Variants in EIF4B observed in about 807,000 individuals in gnomAD.
The protein encoded by EIF4B is eukaryotic translation initiation factor 4B.
EIF4B carries 8 observed loss-of-function variants against 79.3 expected under a neutral mutation model. The ratio of observed to expected loss-of-function variants is 0.10; its 90% CI spans 0.06 to 0.18. The LOEUF (loss-of-function observed/expected upper bound fraction) is 0.18. Among genes scored for constraint, EIF4B ranks in the 10% least tolerant of loss-of-function variants. The pLI, the probability that EIF4B is intolerant of heterozygous loss-of-function variation, is 1.00. For missense variants in EIF4B, 515 were observed against 792.4 expected, an observed-to-expected ratio of 0.65 and a Z score of 4.20; for synonymous variants, 238 against 274.7, an observed-to-expected ratio of 0.87 and a Z score of 1.32.
At chr12:53,017,019 G>A (rs926511161) in intron 2 of EIF4B, among the ~76,000 whole-genome samples, 3 of 152,116 alleles carry the variant, frequency 2.0e-5, no homozygotes, top group East Asian at 1.9e-4. Context: ...TTGGGAGGCC[G>A]AGGTGGGCAG....
rs145525290 is a variant in EIF4B, at chr12:53,008,118, C to T, written c.13+1622C>T. ...AACTAACCATTGCTTAAAGTACTTA[C>T]TTGGTCTGGATTTGCCACCTTAACA... On this transcript the variant is annotated intron_variant, in intron 1 of 14. Transcript: ENST00000262056. Among the ~76,000 whole-genome samples the T allele has an allele frequency of 6.6e-5, 10 of 152,328 alleles. No homozygotes were observed. In the East Asian group the frequency reaches 1.9e-3, roughly 29 times the overall value.
At chr12:53,025,327 C>G (rs560039603) in intron 6 of EIF4B, 1 of 446,016 alleles carries the variant, frequency 2.2e-6, no homozygotes, top group Admixed American at 2.5e-5. Flanking sequence ...GAATTTAGAG[C>G]AAGCAGAATG....
intron 5 of EIF4B, 167 bp downstream of exon 5, chr12:53,022,027 A>G (rs780912189): frequency 5.3e-6 from 4 of 751,988 alleles, no homozygotes; most frequent in Non-Finnish European, 8.8e-6. Flanking sequence ...GTTTGAAGAC[A>G]TTGTAGTTGT....
intron 6 of EIF4B, among the ~76,000 whole-genome samples, chr12:53,027,137 A>ATTATTATTATTATTATT (rs1943349413): frequency 3.9e-5 from 1 of 25,722 alleles, no homozygotes; most frequent in African/African-American, 8.2e-5. Context: ...AAAAAAAAAA[A>ATTATTATTATTATTATT]TTTTTTTTTT....
At chr12:53,019,617 C>T (rs1382899327) in intron 3 of EIF4B, among the ~76,000 whole-genome samples, 2 of 149,638 alleles carry the variant, frequency 1.3e-5, no homozygotes, top group African/African-American at 2.4e-5. Context: ...CCACCTGCTT[C>T]GGCCTCCCAA....
chr12:53,025,177 T>G (rs981866258), intron 6 of EIF4B: 1 of 455,210 alleles, frequency 2.2e-6, no homozygotes. Flanking sequence ...GGGAGAACTA[T>G]GTGAGGTGAT....
At chr12:53,009,494 C>CA (rs10561811) in intron 1 of EIF4B, among the ~76,000 whole-genome samples, 119,567 of 148,010 alleles carry the variant, frequency 0.81, 49,851 homozygotes, top group Non-Finnish European at 0.92. Flanking sequence ...GACTCCGTCT[C>CA]AAAAAAAAAA....
At chr12:53,011,708 A>G (rs1943066045) in intron 1 of EIF4B, among the ~76,000 whole-genome samples, 1 of 152,222 alleles carries the variant, frequency 6.6e-6, no homozygotes, top group African/African-American at 2.4e-5. Flanking sequence ...GAAAACCATG[A>G]ATGTGTTGTC....
rs773941285 is a variant in EIF4B, at chr12:53,019,939, C to T, written c.390C>T (p.Pro130=). The change falls in exon 4 of 15, where the codon CCC becomes CCT. Residue 130 remains proline (P), a synonymous_variant. Transcript: ENST00000262056. ...NISAVRLPRE[P]SNPERLKGFG... ...GTGCAGTGCGTTTACCACGTGAACC[C>T]AGCAATCCAGAGAGGTTGAAAGGTT... is the stretch of plus-strand genomic sequence containing the variant. 7.4e-6 allele frequency: 12 copies of T among 1,612,454 alleles called. No homozygotes were observed. The highest frequency in any genetic ancestry group is 9.3e-6 in the Non-Finnish European group (11 of 1,179,478).
intron 9 of EIF4B, among the ~76,000 whole-genome samples, chr12:53,034,387 A>G (rs557121173): frequency 6.6e-6 from 1 of 152,356 alleles, no homozygotes; most frequent in Admixed American, 6.5e-5. Flanking sequence ...ATTGTAGATT[A>G]TGTAGGATAC....
At position 53,019,786 on chromosome 12, in the gene EIF4B, C is replaced by T. The variant is rs941944856; in HGVS notation, c.361-124C>T. The T allele has an allele frequency of 1.5e-5, 12 of 796,766 alleles. 1 individual carries two copies. The highest frequency in any genetic ancestry group is 1.4e-4 in the African/African-American group (8 of 55,492). 49.4% of individuals were successfully genotyped at this position (796,766 alleles called of 1,614,324 possible). A position where few individuals can be genotyped will look rare whatever the true frequency, so the allele number is the denominator to read the frequency against. Reference sequence around the variant, plus strand: ...CTCTGCATCAGTTTTCCTCCTGAGACAACCATGTTCTTGTGTATTCAGAAA... The same window carrying T: ...CTCTGCATCAGTTTTCCTCCTGAGATAACCATGTTCTTGTGTATTCAGAAA... On this transcript the variant is annotated intron_variant, in intron 3 of 14. Transcript: ENST00000262056.
intron 10 of EIF4B, 87 bp from the exon 11 acceptor site, chr12:53,037,322 T>C (rs1943556187): frequency 1.4e-6 from 2 of 1,452,406 alleles, no homozygotes; most frequent in African/African-American, 1.4e-5. Context: ...AACTTGGATG[T>C]GGACCATTTT....
At chr12:53,032,610 C>G (rs1338955514) in intron 8 of EIF4B, among the ~76,000 whole-genome samples, 2 of 151,032 alleles carry the variant, frequency 1.3e-5, no homozygotes, top group Non-Finnish European at 2.9e-5. Context: ...TTAGTCTTTC[C>G]TGTGGTCTTG....
intron 10 of EIF4B, 25 bp from the exon 11 acceptor site, chr12:53,037,384 T>C: frequency 6.2e-7 from 1 of 1,603,318 alleles, no homozygotes; most frequent in Non-Finnish European, 8.5e-7. Flanking sequence ...CCTGATAATT[T>C]GATATTTTCA....
chr12:53,035,399 C>T (rs1025696701), intron 10 of EIF4B, among the ~76,000 whole-genome samples: 4 of 150,666 alleles, frequency 2.7e-5, no homozygotes, highest in South Asian at 2.1e-4. Flanking sequence ...GACCGAGTCT[C>T]GCTCTGTCGC....
intron 6 of EIF4B, chr12:53,025,284 T>C (rs1289467446): frequency 1.8e-5 from 8 of 453,906 alleles, no homozygotes; most frequent in South Asian, 1.2e-4. Flanking sequence ...CTGTTTTGAG[T>C]CCAGGGGCAT....
chr12:53,027,235 A>G (rs1943352627), intron 6 of EIF4B, among the ~76,000 whole-genome samples: 2 of 145,252 alleles, frequency 1.4e-5, no homozygotes, highest in South Asian at 4.4e-4. Context: ...CCGGGTTCAC[A>G]CCATTCTCTT....
chr12:53,006,630 G>C, intron 1 of EIF4B, 134 bp downstream of exon 1: 1 of 1,507,470 alleles, frequency 6.6e-7, no homozygotes, highest in Non-Finnish European at 9.0e-7. Context: ...CAGGCTGGCG[G>C]CGTGGCCCTG....
intron 8 of EIF4B, among the ~76,000 whole-genome samples, chr12:53,032,446 C>T (rs1943462959): frequency 6.6e-6 from 1 of 152,036 alleles, no homozygotes; most frequent in African/African-American, 2.4e-5. Flanking sequence ...AAATAAAGAA[C>T]TAGAATCTTC....
Sources: allele counts gnomAD v4.1 joint callset (sites outside exome capture counted in the v4.1 genomes callset), GRCh38; gene constraint gnomAD v4.1.1; transcripts MANE v1.5; gene names NCBI Gene and HGNC (gene_info 2026-07-23, HGNC 2026-07-21).